The following KHDRBS2 variants were observed in gnomAD, a reference collection of about 807,000 sequenced individuals.
The protein encoded by KHDRBS2 is KH RNA binding domain containing, signal transduction associated 2.
KHDRBS2 carries 26 observed loss-of-function variants against 44.3 expected under a neutral mutation model. The observed-to-expected ratio is 0.59, with a 90% CI of 0.43 to 0.81. The LOEUF (loss-of-function observed/expected upper bound fraction) is 0.81. Ranked by LOEUF, KHDRBS2 falls within the 40% of genes least tolerant of loss-of-function variation. KHDRBS2 has a pLI of 0.00. For missense variants in KHDRBS2, 476 were observed against 433.1 expected, an observed-to-expected ratio of 1.10 and a Z score of -0.88; for synonymous variants, 194 against 151.1, an observed-to-expected ratio of 1.28 and a Z score of -2.08.
intron 3 of KHDRBS2, among the ~76,000 whole-genome samples, chr6:62,018,150 C>CTT (rs969371384): frequency 2.0e-5 from 3 of 146,848 alleles, no homozygotes; most frequent in Non-Finnish European, 4.5e-5. Flanking sequence ...AATATTACTA[C>CTT]TTTTTTTTTT....
At chr6:61,567,400 G>A in the KHDRBS2 span, among the ~76,000 whole-genome samples, 5 of 152,170 alleles carry the variant, frequency 3.3e-5, no homozygotes, top group Non-Finnish European at 5.9e-5. Flanking sequence ...TGTTTAGGTG[G>A]TTGAAGCAGT....
At chr6:61,641,663 T>C in the KHDRBS2 span, among the ~76,000 whole-genome samples, 3 of 152,194 alleles carry the variant, frequency 2.0e-5, no homozygotes, top group Non-Finnish European at 2.9e-5. Flanking sequence ...TTCATTTCTC[T>C]GGTCAACCAT....
intron 2 of KHDRBS2, among the ~76,000 whole-genome samples, chr6:62,058,565 T>C (rs1790853855): frequency 1.3e-5 from 2 of 151,836 alleles, no homozygotes; most frequent in African/African-American, 2.4e-5. Context: ...AGTGGGACCG[T>C]AGACACAGAT....
chr6:62,265,549 A>G (rs1362603784), intron 1 of KHDRBS2, among the ~76,000 whole-genome samples: 4 of 152,062 alleles, frequency 2.6e-5, no homozygotes, highest in Middle Eastern at 3.2e-3. Context: ...GTTAAAGCTA[A>G]TTGAGGAAGG....
the KHDRBS2 span, among the ~76,000 whole-genome samples, chr6:61,641,570 C>T: frequency 6.6e-6 from 1 of 152,130 alleles, no homozygotes; most frequent in South Asian, 2.1e-4. Flanking sequence ...CAGAATTAGC[C>T]TCTTACTCTG....
chr6:62,002,880 A>T (rs1778517154), intron 3 of KHDRBS2, among the ~76,000 whole-genome samples: 2 of 152,008 alleles, frequency 1.3e-5, no homozygotes, highest in Non-Finnish European at 2.9e-5. Flanking sequence ...TCTATAACAG[A>T]ATTTTAAAAT....
At chr6:61,663,964 G>T in the KHDRBS2 span, among the ~76,000 whole-genome samples, 1 of 151,720 alleles carries the variant, frequency 6.6e-6, no homozygotes, top group Non-Finnish European at 1.5e-5. Context: ...AGTTTGGAAA[G>T]AATTGATGTA....
the KHDRBS2 span, among the ~76,000 whole-genome samples, chr6:61,643,333 A>C: frequency 6.6e-6 from 1 of 152,188 alleles, no homozygotes. Context: ...AGAGCCATCT[A>C]TGACAAACCA....
Position 62,081,872 on chromosome 6 carries a change from A to G in KHDRBS2, c.220-33878T>C, listed in dbSNP as rs147225531. 4.6e-5 allele frequency among the ~76,000 whole-genome samples: 7 copies of G among 152,178 alleles called. No homozygotes were observed. The East Asian group carries it at 7.7e-4, about 17-fold the overall frequency. The stretch of plus-strand genomic sequence containing the variant: ...AGAGAAATTATATATAATATTATAT[A>G]CACAAAGTCACCTACTCTTCTTCCT... On this transcript the variant is annotated intron_variant, in intron 2 of 8. Transcript: ENST00000281156.
the KHDRBS2 span, among the ~76,000 whole-genome samples, chr6:61,561,861 A>G: frequency 6.6e-6 from 1 of 152,012 alleles, no homozygotes; most frequent in African/African-American, 2.4e-5. Flanking sequence ...GCAAATCTAT[A>G]TCTCTTCCCT....
chr6:62,171,624 A>G (rs1395393250), intron 2 of KHDRBS2, among the ~76,000 whole-genome samples: 2 of 150,100 alleles, frequency 1.3e-5, no homozygotes, highest in African/African-American at 4.9e-5. Context: ...CCCAAGACAC[A>G]TAGTCATCAG....
At chr6:61,814,404 C>G (rs1376093184) in intron 6 of KHDRBS2, among the ~76,000 whole-genome samples, 1 of 151,958 alleles carries the variant, frequency 6.6e-6, no homozygotes, top group Non-Finnish European at 1.5e-5. Context: ...GTCAGGAGAT[C>G]GAGACCATCC....
At chr6:62,080,283 A>G (rs923911885) in intron 2 of KHDRBS2, among the ~76,000 whole-genome samples, 3 of 152,128 alleles carry the variant, frequency 2.0e-5, no homozygotes, top group African/African-American at 7.2e-5. Flanking sequence ...AGTTCTTAAG[A>G]CAGCCTATGA....
At chr6:61,735,871 A>G (rs551120037) in intron 6 of KHDRBS2, among the ~76,000 whole-genome samples, 1 of 152,156 alleles carries the variant, frequency 6.6e-6, no homozygotes, top group African/African-American at 2.4e-5. Flanking sequence ...TTCCATGTTA[A>G]AGTTGAGAAT....
At chr6:61,935,851 T>C (rs9363535) in intron 4 of KHDRBS2, among the ~76,000 whole-genome samples, 60,156 of 151,950 alleles carry the variant, frequency 0.4, 12,066 homozygotes, top group East Asian at 0.47. Context: ...CAAAATTGAA[T>C]TTCAGAGACC....
At chr6:61,684,456 T>C (rs1766613011) in intron 8 of KHDRBS2, among the ~76,000 whole-genome samples, 1 of 151,826 alleles carries the variant, frequency 6.6e-6, no homozygotes, top group African/African-American at 2.4e-5. Context: ...GAACTTAGAA[T>C]TTATCTGTCC....
chr6:61,598,736 A>G, the KHDRBS2 span, among the ~76,000 whole-genome samples: 3 of 151,966 alleles, frequency 2.0e-5, no homozygotes, highest in African/African-American at 7.3e-5. Flanking sequence ...TAAACTTTAC[A>G]TCTCTCCCTG....
intron 2 of KHDRBS2, among the ~76,000 whole-genome samples, chr6:62,145,350 C>T (rs1309942172): frequency 1.3e-5 from 2 of 150,948 alleles, no homozygotes; most frequent in Admixed American, 6.6e-5. Flanking sequence ...TATCATTTTA[C>T]TTCATTATAT....
chr6:61,883,677 G>A (rs530876735), intron 6 of KHDRBS2, among the ~76,000 whole-genome samples: 3 of 151,908 alleles, frequency 2.0e-5, no homozygotes, highest in African/African-American at 2.4e-5. Context: ...TTTACATACC[G>A]CTACCTTTTT....
Sources: gnomAD v4.1 joint callset for allele counts (sites outside exome capture counted in the v4.1 genomes callset) on GRCh38, gnomAD v4.1.1 for gene constraint, MANE v1.5 for transcripts, NCBI Gene and HGNC (gene_info 2026-07-23, HGNC 2026-07-21) for gene names.